Variants in WDFY1 observed in about 807,000 individuals in gnomAD.
The protein encoded by WDFY1 is WD repeat and FYVE domain-containing protein 1.
WDFY1 carries 32 observed loss-of-function variants against 56.4 expected under a neutral mutation model. The ratio of observed to expected loss-of-function variants is 0.57; its 90% CI spans 0.43 to 0.76. WDFY1 has a LOEUF of 0.76. WDFY1 is among the 30% of genes least tolerant of loss of function. The pLI is 0.00. For missense variants in WDFY1, 480 were observed against 545.7 expected (o/e 0.88, Z 1.20); for synonymous variants, 192 against 197.3 (o/e 0.97, Z 0.23).
At chr2:223,890,433 A>T (rs1417871292) in intron 8 of WDFY1, among the ~76,000 whole-genome samples, 1 of 152,144 alleles carries the variant, frequency 6.6e-6, no homozygotes, top group Non-Finnish European at 1.5e-5. Context: ...ATATATGCTT[A>T]AAAAAATTTG....
At chr2:223,917,110 G>A (rs549898096) in intron 2 of WDFY1, among the ~76,000 whole-genome samples, 3 of 151,850 alleles carry the variant, frequency 2.0e-5, no homozygotes, top group Non-Finnish European at 2.9e-5. Flanking sequence ...CACCAAGCCC[G>A]GCCTCCAGGG....
chr2:223,937,983 T>C (rs1233121186), intron 1 of WDFY1, among the ~76,000 whole-genome samples: 1 of 152,184 alleles, frequency 6.6e-6, no homozygotes, highest in Non-Finnish European at 1.5e-5. Context: ...CCAAACCATC[T>C]TAATAAACTT....
chr2:223,921,752 G>A (rs1473053811), intron 1 of WDFY1, among the ~76,000 whole-genome samples: 1 of 152,130 alleles, frequency 6.6e-6, no homozygotes, highest in African/African-American at 2.4e-5. Flanking sequence ...CACCACACCT[G>A]GCTGTTGCTC....
At chr2:223,917,856 G>T in intron 2 of WDFY1, 87 bp downstream of exon 2, 1 of 1,509,836 alleles carries the variant, frequency 6.6e-7, no homozygotes, top group Non-Finnish European at 9.1e-7. Context: ...ACAGGTGTGA[G>T]CCACCATGCT....
intron 1 of WDFY1, among the ~76,000 whole-genome samples, chr2:223,935,075 G>C (rs1222360307): frequency 6.6e-6 from 1 of 152,112 alleles, no homozygotes; most frequent in African/African-American, 2.4e-5. Context: ...ATGGGACACT[G>C]CAGGTATCCC....
intron 2 of WDFY1, 72 bp downstream of exon 2, chr2:223,917,871 C>T (rs1394733215): frequency 2.4e-5 from 38 of 1,577,608 alleles, no homozygotes; most frequent in Admixed American, 1.4e-4. Flanking sequence ...CATGCTCAGC[C>T]GACATTTTGA....
At chr2:223,942,785 T>G (rs1688559382) in intron 1 of WDFY1, among the ~76,000 whole-genome samples, 2 of 142,664 alleles carry the variant, frequency 1.4e-5, no homozygotes, top group South Asian at 4.7e-4. Flanking sequence ...TCCACCCGCC[T>G]CGGCCTCCCA....
chr2:223,933,961 C>A (rs1276307154), intron 1 of WDFY1, among the ~76,000 whole-genome samples: 701 of 50,894 alleles, frequency 0.014, no homozygotes, highest in East Asian at 0.038. Flanking sequence ...GACCCTGCCT[C>A]AAAAAAAAAA....
At chr2:223,897,390 A>ATATATATTTTTTTTTT (rs1461451983) in intron 6 of WDFY1, among the ~76,000 whole-genome samples, 2 of 125,992 alleles carry the variant, frequency 1.6e-5, no homozygotes, top group Non-Finnish European at 3.2e-5. Flanking sequence ...ATATATATAT[A>ATATATATTTTTTTTTT]TTTTTTAAGA....
At chr2:223,932,389 T>A (rs1296074834) in intron 1 of WDFY1, among the ~76,000 whole-genome samples, 1 of 152,148 alleles carries the variant, frequency 6.6e-6, no homozygotes, top group African/African-American at 2.4e-5. Context: ...CCCAAAGTGC[T>A]GGGATTACAG....
At chr2:223,906,111 C>G in intron 3 of WDFY1, 110 bp from the exon 4 acceptor site, 4 of 810,764 alleles carry the variant, frequency 4.9e-6, no homozygotes, top group Non-Finnish European at 7.4e-6. Flanking sequence ...ATCACAAGAC[C>G]TAGGACTTAA....
chr2:223,890,546 G>T (rs1020690174), intron 8 of WDFY1, among the ~76,000 whole-genome samples: 1 of 152,156 alleles, frequency 6.6e-6, no homozygotes, highest in African/African-American at 2.4e-5. Flanking sequence ...TCAGAATATA[G>T]CATTACACTG....
chr2:223,918,933 C>A (rs575183907), intron 1 of WDFY1, among the ~76,000 whole-genome samples: 1 of 152,332 alleles, frequency 6.6e-6, no homozygotes, highest in East Asian at 1.9e-4. Context: ...GGAACATGCA[C>A]AGGGTGATGA....
At chr2:223,922,683 A>G (rs1693906337) in intron 1 of WDFY1, among the ~76,000 whole-genome samples, 1 of 152,208 alleles carries the variant, frequency 6.6e-6, no homozygotes, top group African/African-American at 2.4e-5. Flanking sequence ...TAGGTGGCTC[A>G]AAGGATCTAG....
intron 1 of WDFY1, among the ~76,000 whole-genome samples, chr2:223,926,957 C>T (rs546802483): frequency 9.2e-5 from 14 of 152,260 alleles, no homozygotes; most frequent in South Asian, 2.1e-4. Flanking sequence ...TGTCAGCCAC[C>T]GTTTCCGGCC....
chr2:223,935,241 C>T (rs1031675271), intron 1 of WDFY1, among the ~76,000 whole-genome samples: 4 of 151,610 alleles, frequency 2.6e-5, no homozygotes, highest in Non-Finnish European at 4.4e-5. Flanking sequence ...AGTATAAAGA[C>T]GAGGAGAAAG....
intron 2 of WDFY1, among the ~76,000 whole-genome samples, chr2:223,914,201 T>C (rs1236022222): frequency 6.6e-6 from 1 of 151,986 alleles, no homozygotes; most frequent in Non-Finnish European, 1.5e-5. Context: ...TTCACCATGT[T>C]GGCCAGGCCA....
At chr2:223,930,916 G>A (rs2068761504) in intron 1 of WDFY1, among the ~76,000 whole-genome samples, 1 of 152,216 alleles carries the variant, frequency 6.6e-6, no homozygotes, top group African/African-American at 2.4e-5. Flanking sequence ...ACAAGCATGA[G>A]TGAGCCTGGC....
intron 3 of WDFY1, among the ~76,000 whole-genome samples, chr2:223,911,253 G>A (rs756259069): frequency 8.5e-5 from 13 of 152,106 alleles, no homozygotes; most frequent in Admixed American, 5.2e-4. Context: ...GCAATGGAGA[G>A]TGACTGCTAA....
Sources: gnomAD v4.1 joint callset for allele counts (sites outside exome capture counted in the v4.1 genomes callset) on GRCh38, gnomAD v4.1.1 for gene constraint, MANE v1.5 for transcripts, NCBI Gene and HGNC (gene_info 2026-07-23, HGNC 2026-07-21) for gene names.